TTC7B: variants seen among roughly 807,000 people sequenced by gnomAD.
TTC7B encodes tetratricopeptide repeat domain 7B.
A neutral mutation model predicts 106.8 loss-of-function variants in TTC7B; 28 were observed. The ratio of observed to expected loss-of-function variants is 0.26; its 90% CI spans 0.19 to 0.36. The LOEUF is 0.36. TTC7B is among the 10% of genes least tolerant of loss of function. The pLI is 1.00. For missense variants in TTC7B, 862 were observed against 1,076.4 expected, an observed-to-expected ratio of 0.80 and a Z score of 2.79; for synonymous variants, 405 against 430.6, an observed-to-expected ratio of 0.94 and a Z score of 0.74.
intron 17 of TTC7B, among the ~76,000 whole-genome samples, chr14:90,596,070 G>C (rs1892190056): frequency 6.6e-6 from 1 of 151,990 alleles, no homozygotes; most frequent in Admixed American, 6.6e-5. Flanking sequence ...TAAAGAGGTT[G>C]TTTATATGTT....
At chr14:90,582,374 T>TG (rs796078720) in intron 18 of TTC7B, among the ~76,000 whole-genome samples, 1 of 152,134 alleles carries the variant, frequency 6.6e-6, no homozygotes, top group Admixed American at 6.5e-5. Context: ...ACCTGTCAGG[T>TG]GGGGGGCCTG....
chr14:90,796,057 C>T (rs1026946458), intron 1 of TTC7B, among the ~76,000 whole-genome samples: 2 of 152,208 alleles, frequency 1.3e-5, no homozygotes, highest in Non-Finnish European at 2.9e-5. Flanking sequence ...AGTCTCCCTA[C>T]ACTCTCTCCG....
chr14:90,760,904 C>T (rs1890477709), intron 3 of TTC7B, among the ~76,000 whole-genome samples: 2 of 152,256 alleles, frequency 1.3e-5, no homozygotes, highest in Non-Finnish European at 2.9e-5. Context: ...ATAGCACCCT[C>T]TTGTGGACAA....
chr14:90,764,371 CAA>C (rs1890604490), intron 3 of TTC7B, among the ~76,000 whole-genome samples: 1 of 151,846 alleles, frequency 6.6e-6, no homozygotes, highest in Admixed American at 6.6e-5. Context: ...GAAGAAATCA[CAA>C]GAGTAAATCT....
rs1256176933 is a variant in TTC7B at position 90,535,522 on chromosome 14, C to G, written c.*5846G>C. 2 of 153,050 alleles carry G rather than the reference C, an allele frequency of 1.3e-5. No homozygotes were observed. The highest frequency in any genetic ancestry group is 4.8e-5 in the African/African-American group (2 of 41,478). 9.5% of individuals were successfully genotyped at this position (153,050 alleles called of 1,614,324 possible). A position where few individuals can be genotyped will look rare whatever the true frequency, so the allele number is the denominator to read the frequency against. On this transcript the variant is annotated 3_prime_UTR_variant, in exon 20 of 20. Transcript: ENST00000328459. ...GCAGCCCCCCTCAGCTTCCCTCTCTCCTTCCTCACGCCTGCCCTGCTGGAA... is the reference window on the plus strand; with the variant it reads ...GCAGCCCCCCTCAGCTTCCCTCTCTGCTTCCTCACGCCTGCCCTGCTGGAA...
intron 16 of TTC7B, among the ~76,000 whole-genome samples, chr14:90,611,888 TCTTGAG>T (rs1786296779): frequency 6.6e-6 from 1 of 152,258 alleles, no homozygotes; most frequent in African/African-American, 2.4e-5. Flanking sequence ...CACGTCTGTC[TCTTGAG>T]GTTTGAATCT....
Position 90,651,506 on chromosome 14 carries a change from T to C in TTC7B, c.1517+1335A>G, listed in dbSNP as rs537073234. 5.9e-5 allele frequency among the ~76,000 whole-genome samples: 9 copies of C among 152,380 alleles called. No individual in the cohort carries two copies. The East Asian group carries it at 1.5e-3, about 26-fold the overall frequency. ...GGCTGTTTTTAGAGAGCCAGTAAGA[T>C]GTGCTGATTTAAGAAAAGTGAAACA... On this transcript the variant is annotated intron_variant, in intron 13 of 19. Transcript: ENST00000328459.
Position 90,577,077 on chromosome 14 carries a change from T to C in TTC7B, c.2310+1029A>G, listed in dbSNP as rs529069248. ...CACTCTTCCATATCACACACCACCATCTGGTTATGGGTGCTAAGCCTCCAC... is the reference window on the plus strand; with the variant it reads ...CACTCTTCCATATCACACACCACCACCTGGTTATGGGTGCTAAGCCTCCAC... On this transcript the variant is annotated intron_variant, in intron 19 of 19. Transcript: ENST00000328459. This position sits in a 1 kb window ranked among gnomAD's most constrained non-coding sequence, Gnocchi z 5.0. Among the ~76,000 whole-genome samples, 3 of 152,224 alleles carry C rather than the reference T, an allele frequency of 2.0e-5. No individual in the cohort carries two copies. Among genetic ancestry groups the C allele is most frequent in the Admixed American group, 2.0e-4 (3 of 15,296 alleles).
rs942292311 is a variant in TTC7B at position 90,816,360 on chromosome 14, C to A, written c.-65G>T. 3 of 854,912 alleles carry A rather than the reference C, an allele frequency of 3.5e-6. No individual in the cohort carries two copies. In the African/African-American group the frequency reaches 5.6e-5, roughly 16 times the overall value. 53.0% of individuals were successfully genotyped at this position (854,912 alleles called of 1,614,324 possible). A position where few individuals can be genotyped will look rare whatever the true frequency, so the allele number is the denominator to read the frequency against. On this transcript the variant is annotated 5_prime_UTR_variant, in exon 1 of 20. Coordinates refer to ENST00000328459, the MANE Select transcript of TTC7B (RefSeq NM_001010854.2). ...CACCGCCGCCGCCGCGGCGCCCCCTCGCCGCCTCCCGCCGCCGCCGCGGGC... is the reference window on the plus strand; with the variant it reads ...CACCGCCGCCGCCGCGGCGCCCCCTAGCCGCCTCCCGCCGCCGCCGCGGGC...
chr14:90,761,785 A>G (rs1890510859), intron 3 of TTC7B, among the ~76,000 whole-genome samples: 2 of 151,522 alleles, frequency 1.3e-5, no homozygotes, highest in Non-Finnish European at 1.5e-5. Flanking sequence ...TCCCATACCA[A>G]CTCCCAACAC....
chr14:90,676,726 C>T, intron 8 of TTC7B, 66 bp from the exon 9 acceptor site: 1 of 1,557,884 alleles, frequency 6.4e-7, no homozygotes, highest in South Asian at 1.2e-5. Flanking sequence ...GGGGAGTCCA[C>T]CTAGGCCCTC....
chr14:90,603,991 T>C lies in TTC7B; in HGVS notation c.1966+6751A>G, dbSNP rs143650504. Among the ~76,000 whole-genome samples the C allele has an allele frequency of 3.8e-3, 578 of 152,322 alleles. 8 individuals are homozygous for C. Among genetic ancestry groups the C allele is most frequent in the African/African-American group, 0.013 (556 of 41,556 alleles). ...TGAGCACTGCCCGGGACATACTCCA[T>C]TCAGCAGAAAGCCCAGTGGGTGCTC... On this transcript the variant is annotated intron_variant, in intron 17 of 19. Coordinates refer to ENST00000328459, the MANE Select transcript of TTC7B (RefSeq NM_001010854.2).
chr14:90,720,767 G>A (rs1888864296), intron 5 of TTC7B, among the ~76,000 whole-genome samples: 1 of 152,128 alleles, frequency 6.6e-6, no homozygotes, highest in Admixed American at 6.5e-5. Context: ...GAAAAGCTAA[G>A]GTAAGAAAAG....
At chr14:90,711,835 G>A (rs1243280538) in intron 5 of TTC7B, among the ~76,000 whole-genome samples, 2 of 152,116 alleles carry the variant, frequency 1.3e-5, no homozygotes, top group Non-Finnish European at 2.9e-5. Flanking sequence ...AAGGAGGAAT[G>A]AAGAATCAAA....
At position 90,608,893 on chromosome 14, in the gene TTC7B, T is replaced by G. The variant is rs1178988444; in HGVS notation, c.1966+1849A>C. ...CAGCTGGAAGGAAAGGGGGTCTGAA[T>G]TTAGTGTGGCTGTTCTCACAGGATA... is the stretch of plus-strand genomic sequence containing the variant. On this transcript the variant is annotated intron_variant, in intron 17 of 19. Transcript: ENST00000328459. The surrounding 1 kb of genome is among the most constrained non-coding windows in gnomAD (Gnocchi z 5.1). Among the ~76,000 whole-genome samples, 1 of 152,180 alleles carries G rather than the reference T, an allele frequency of 6.6e-6. No homozygotes were observed. Among genetic ancestry groups the G allele is most frequent in the African/African-American group, 2.4e-5 (1 of 41,444 alleles).
At chr14:90,787,546 G>C (rs1231984580) in intron 1 of TTC7B, among the ~76,000 whole-genome samples, 3 of 152,044 alleles carry the variant, frequency 2.0e-5, no homozygotes, top group African/African-American at 7.3e-5. Context: ...TTAACATCCT[G>C]GTCCTAAAAA....
intron 19 of TTC7B, among the ~76,000 whole-genome samples, chr14:90,572,129 G>A (rs1392783115): frequency 1.3e-5 from 2 of 152,196 alleles, no homozygotes; most frequent in Admixed American, 6.5e-5. Context: ...CAGGCAAGCC[G>A]AAGCTCACCT....
intron 5 of TTC7B, among the ~76,000 whole-genome samples, chr14:90,716,544 C>A (rs1036022515): frequency 2.8e-4 from 43 of 152,148 alleles, no homozygotes; most frequent in African/African-American, 9.4e-4. Context: ...GCTTACCCAG[C>A]AGGCTCTCAA....
rs1206512100 is a variant in TTC7B at position 90,807,295 on chromosome 14, C to T, written c.121+8880G>A. 6.6e-6 allele frequency among the ~76,000 whole-genome samples: 1 copy of T among 152,116 alleles called. No individual in the cohort carries two copies. The highest frequency in any genetic ancestry group is 1.5e-5 in the Non-Finnish European group (1 of 68,016). ...CAGGCTCCCAGCTGCACCCTCTGTG[C>T]TTGTAAGCAATGCTGTCATTGCTGT... On this transcript the variant is annotated intron_variant, in intron 1 of 19. Coordinates refer to ENST00000328459, the MANE Select transcript of TTC7B (RefSeq NM_001010854.2). This position sits in a 1 kb window ranked among gnomAD's most constrained non-coding sequence, Gnocchi z 4.1.
Sources: allele counts gnomAD v4.1 joint callset (sites outside exome capture counted in the v4.1 genomes callset), GRCh38; gene constraint gnomAD v4.1.1; non-coding constraint Gnocchi (gnomAD v3.1); transcripts MANE v1.5; gene names NCBI Gene and HGNC (gene_info 2026-07-23, HGNC 2026-07-21).